OSBPL2: variants seen among roughly 807,000 people sequenced by gnomAD.
The protein encoded by OSBPL2 is oxysterol binding protein like 2.
A neutral mutation model predicts 58.4 loss-of-function variants in OSBPL2; 18 were observed. That is an observed-to-expected ratio of 0.31 (90% confidence interval 0.21 to 0.46). The LOEUF is 0.46. OSBPL2 is among the 20% of genes least tolerant of loss of function. The pLI, the probability that OSBPL2 is intolerant of heterozygous loss-of-function variation, is 1.00. For missense variants in OSBPL2, 461 were observed against 616.5 expected, an observed-to-expected ratio of 0.75 and a Z score of 2.67; for synonymous variants, 221 against 234.1, an observed-to-expected ratio of 0.94 and a Z score of 0.51.
intron 10 of OSBPL2, 136 bp downstream of exon 10, chr20:62,284,305 TG>T (rs1438461843): frequency 4.2e-6 from 4 of 949,050 alleles, no homozygotes; most frequent in Non-Finnish European, 6.6e-6. Flanking sequence ...GTGCAGAATT[TG>T]TCTGTCCAGA....
intron 1 of OSBPL2, among the ~76,000 whole-genome samples, chr20:62,253,669 G>A (rs1052399208): frequency 6.6e-6 from 1 of 150,662 alleles, no homozygotes; most frequent in Admixed American, 6.6e-5. Flanking sequence ...AGGTGGAAGG[G>A]CAAGAGAGGA....
In OSBPL2 at chr20:62,239,685, G is replaced by GGA. The variant is rs201957330; in HGVS notation, c.-129+1092_-129+1093dup. On this transcript the variant is annotated intron_variant, in intron 1 of 13. Transcript: ENST00000313733. ...CAGCTGGATGTGTGGTGAGGACAGC[G>GGA]GAGAGTTGAGGAGCCCGGAACTGGT... 7.2e-3 allele frequency among the ~76,000 whole-genome samples: 1,093 copies of GGA among 152,312 alleles called. 3 individuals are homozygous for GGA. Among genetic ancestry groups the GGA allele is most frequent in the Non-Finnish European group, 0.012 (790 of 68,018 alleles).
At chr20:62,283,414 T>C (rs61255017) in intron 9 of OSBPL2, among the ~76,000 whole-genome samples, 24,775 of 152,138 alleles carry the variant, frequency 0.16, 2,095 homozygotes, top group Middle Eastern at 0.27. Flanking sequence ...CGGTTGACTC[T>C]TCCCAGCAAG....
At chr20:62,259,514 A>T (rs1601163831) in intron 2 of OSBPL2, among the ~76,000 whole-genome samples, 2 of 152,296 alleles carry the variant, frequency 1.3e-5, no homozygotes, top group African/African-American at 4.8e-5. Flanking sequence ...TTTGCGTGCC[A>T]CGATGGTCTC....
At chr20:62,255,986 G>A (rs185988495) in intron 1 of OSBPL2, 71 bp from the exon 2 acceptor site, 50 of 534,436 alleles carry the variant, frequency 9.4e-5, no homozygotes, top group Non-Finnish European at 9.9e-6. Context: ...ATGGTGAATG[G>A]GTATTTTTAA....
At chr20:62,280,394 C>G (rs186848238) in intron 7 of OSBPL2, among the ~76,000 whole-genome samples, 1 of 152,286 alleles carries the variant, frequency 6.6e-6, no homozygotes, top group African/African-American at 2.4e-5. Flanking sequence ...AGTTGCACAC[C>G]TTGCTGATAA....
Position 62,281,828 on chromosome 20 carries a change from G to A in OSBPL2, c.821G>A (p.Gly274Glu). The change falls in exon 9 of 14, where the codon GGA becomes GAA. Residue 274 changes from glycine (G) to glutamate (E), a missense_variant. Gly to Glu is a moderately conservative substitution (Grantham distance 98). Around this residue, in one of 5 missense-constraint regions of OSBPL2, gnomAD observed 319 missense variants for 419.2 expected, o/e 0.76. Coordinates refer to ENST00000313733, the MANE Select transcript of OSBPL2 (RefSeq NM_144498.4). ...HKCVLHFKPC[G>E]LFGKELHKVE... ...TGTGTGCTTCACTTTAAACCGTGTG[G>A]ATTATTTGGAAAAGAACTTCACAAG... 1.2e-6 allele frequency: 2 copies of A among 1,612,654 alleles called. No individual in the cohort carries two copies. Among genetic ancestry groups the A allele is most frequent in the Non-Finnish European group, 1.7e-6 (2 of 1,178,726 alleles).
intron 1 of OSBPL2, among the ~76,000 whole-genome samples, chr20:62,255,480 TATTTTA>T (rs1980860493): frequency 6.8e-6 from 1 of 146,370 alleles, no homozygotes; most frequent in Non-Finnish European, 1.5e-5. Context: ...CTTTTAATTT[TATTTTA>T]ATTTTATTTT....
chr20:62,274,587 TCCGA>T (rs1392340027), intron 6 of OSBPL2, among the ~76,000 whole-genome samples: 1 of 152,214 alleles, frequency 6.6e-6, no homozygotes, highest in African/African-American at 2.4e-5. Flanking sequence ...CCTTCAGTCT[TCCGA>T]CTGTCGAGGT....
At chr20:62,256,497 A>G (rs532920448) in intron 2 of OSBPL2, among the ~76,000 whole-genome samples, 7 of 152,102 alleles carry the variant, frequency 4.6e-5, no homozygotes, top group East Asian at 1.9e-4. Context: ...TTCTTCCCCT[A>G]TTTCTGCTTC....
intron 8 of OSBPL2, chr20:62,281,430 G>A: frequency 1.9e-6 from 1 of 523,184 alleles, no homozygotes; most frequent in Non-Finnish European, 3.4e-6. Context: ...TCATTGCCAG[G>A]TGCAGCGCAG....
chr20:62,276,509 C>T (rs1026870637), intron 6 of OSBPL2, among the ~76,000 whole-genome samples: 2 of 152,242 alleles, frequency 1.3e-5, no homozygotes, highest in Non-Finnish European at 2.9e-5. Flanking sequence ...CTGGTCCTTA[C>T]CCACATGCTG....
intron 4 of OSBPL2, among the ~76,000 whole-genome samples, chr20:62,271,098 C>A (rs554889948): frequency 1.3e-5 from 2 of 152,246 alleles, no homozygotes; most frequent in South Asian, 4.1e-4. Context: ...CCACCCCAGA[C>A]CCTGCTCCTT....
intron 1 of OSBPL2, among the ~76,000 whole-genome samples, chr20:62,253,510 G>A (rs1042808096): frequency 3.9e-5 from 6 of 152,158 alleles, no homozygotes; most frequent in South Asian, 4.1e-4. Context: ...AGCCCCTGGC[G>A]TAGCCTGTGT....
At chr20:62,272,852 C>T (rs1385467239) in intron 5 of OSBPL2, among the ~76,000 whole-genome samples, 3 of 152,202 alleles carry the variant, frequency 2.0e-5, no homozygotes, top group Non-Finnish European at 4.4e-5. Context: ...GCCACGATTA[C>T]GCCACTGCAC....
chr20:62,264,948 C>A (rs558859637), intron 4 of OSBPL2, among the ~76,000 whole-genome samples: 1 of 152,246 alleles, frequency 6.6e-6, no homozygotes, highest in South Asian at 2.1e-4. Context: ...AGTGAGGTAC[C>A]CTTGCCAGGG....
intron 4 of OSBPL2, among the ~76,000 whole-genome samples, chr20:62,268,868 C>A (rs1981869312): frequency 6.6e-6 from 1 of 152,038 alleles, no homozygotes; most frequent in South Asian, 2.1e-4. Context: ...CCAGTCTGGT[C>A]AACATAGTGA....
chr20:62,265,817 CT>C (rs1981625933), intron 4 of OSBPL2, among the ~76,000 whole-genome samples: 1 of 152,100 alleles, frequency 6.6e-6, no homozygotes, highest in African/African-American at 2.4e-5. Flanking sequence ...GACAAACCAC[CT>C]AATTTTGACT....
chr20:62,268,886 T>A (rs1205224941), intron 4 of OSBPL2, among the ~76,000 whole-genome samples: 1 of 152,084 alleles, frequency 6.6e-6, no homozygotes, highest in Non-Finnish European at 1.5e-5. Flanking sequence ...TGAAACCCTG[T>A]CTCTACTAAA....
Sources: gnomAD v4.1 joint callset for allele counts (sites outside exome capture counted in the v4.1 genomes callset) on GRCh38, gnomAD v4.1.1 for gene constraint, gnomAD v4.1.1 regional missense constraint, MANE v1.5 for transcripts, NCBI Gene and HGNC (gene_info 2026-07-23, HGNC 2026-07-21) for gene names.